The following RPL18A variants were observed in gnomAD, a reference collection of about 807,000 sequenced individuals.
RPL18A encodes the protein ribosomal protein L18a, also known as large ribosomal subunit protein eL20.
For missense variants in RPL18A, 163 were observed against 254.1 expected (o/e 0.64, Z 2.44); for synonymous variants, 122 against 96.9 (o/e 1.26, Z -1.52).
At chr19:17,860,900 C>G (rs1216871490) in intron 1 of RPL18A, 4 of 219,906 alleles carry the variant, frequency 1.8e-5, no homozygotes, top group African/African-American at 9.4e-5. Context: ...GTCACTGGGC[C>G]TCAGGGTGAA....
At chr19:17,861,778 A>C (rs140954344) in intron 2 of RPL18A, 91 of 539,534 alleles carry the variant, frequency 1.7e-4, no homozygotes, top group African/African-American at 1.5e-3. Context: ...GGTGATGGCT[A>C]TCTGGTCAGT....
chr19:17,860,479 G>A (rs2094275237), intron 1 of RPL18A, among the ~76,000 whole-genome samples: 1 of 152,182 alleles, frequency 6.6e-6, no homozygotes, highest in Admixed American at 6.5e-5. Context: ...GGACTCCCAT[G>A]GAGTGGGTGT....
chr19:17,861,346 G>T lies in RPL18A; in HGVS notation c.72G>T (p.Thr24=). ...GRCLPTPKCH[T]PPLYRMRIFA... ...GCCTGCCCACCCCCAAATGCCACAC[G>T]CCGCCCCTCTACCGCATGCGAATCT... Residue 24 remains threonine, a synonymous_variant, in exon 2 of 5, where the codon ACG becomes ACT. Coordinates refer to ENST00000222247, the MANE Select transcript of RPL18A (RefSeq NM_000980.4). 1 of 1,613,330 alleles carries T rather than the reference G, an allele frequency of 6.2e-7. No homozygotes were observed. The highest frequency in any genetic ancestry group is 8.5e-7 in the Non-Finnish European group (1 of 1,179,564).
intron 3 of RPL18A, 64 bp from the exon 4 acceptor site, chr19:17,862,854 G>T: frequency 3.7e-6 from 4 of 1,090,208 alleles, no homozygotes; most frequent in Non-Finnish European, 1.4e-6. Context: ...CAGGCACTCA[G>T]GAGGTTTGCT....
Position 17,859,913 on chromosome 19 carries a change from G to C in RPL18A, c.-44G>C, listed in dbSNP as rs747688946. The stretch of plus-strand genomic sequence containing the variant: ...GCCTGGTGAACGGCTGCGCGACAGA[G>C]GACACTTCCTTTTGCGGGTGGCGGC... On this transcript the variant is annotated 5_prime_UTR_variant, in exon 1 of 5. Transcript: ENST00000222247. 8.4e-6 allele frequency: 13 copies of C among 1,542,274 alleles called. No homozygotes were observed. Among genetic ancestry groups the C allele is most frequent in the Admixed American group, 6.0e-5 (3 of 50,332 alleles).
intron 1 of RPL18A, 46 bp from the exon 2 acceptor site, chr19:17,861,247 G>A: frequency 1.3e-6 from 2 of 1,572,202 alleles, no homozygotes; most frequent in Non-Finnish European, 1.7e-6. Flanking sequence ...GATCTCCACA[G>A]TTGCCTCTGG....
At chr19:17,860,620 CTA>C (rs1788373302) in intron 1 of RPL18A, 1 of 152,584 alleles carries the variant, frequency 6.6e-6, no homozygotes, top group South Asian at 2.0e-4. Context: ...TAATTTGTGA[CTA>C]TTTTTCATTG....
rs1599893796 is a variant in RPL18A, at chr19:17,859,987, C to T, written c.18+13C>T. The T allele has an allele frequency of 6.6e-7, 1 of 1,518,160 alleles. No individual in the cohort carries two copies. The highest frequency in any genetic ancestry group is 8.8e-7 in the Non-Finnish European group (1 of 1,135,128). The allele number at this position is 1,518,160 out of a possible 1,614,324, so 94.0% of individuals were successfully genotyped here. A position where few individuals can be genotyped will look rare whatever the true frequency, so the allele number is the denominator to read the frequency against. ...GGCCTCGGGCACGGTAAGGCGGGCG[C>T]GGCGCGGCAGGGGGCCAAGGGATGG... On this transcript the variant is annotated intron_variant, in intron 1 of 4. Transcript: ENST00000222247.
rs760456023 is a variant in RPL18A at position 17,862,869 on chromosome 19, G to A, written c.329-49G>A. On this transcript the variant is annotated intron_variant, in intron 3 of 4. Transcript: ENST00000222247. ...CAGGCACTCAGGAGGTTTGCTGAAT[G>A]CCCAGAGCCCAGGCAACACCGTCAC... 8.8e-5 allele frequency: 114 copies of A among 1,300,642 alleles called. 2 individuals carry two copies. The South Asian group carries it at 1.2e-3, about 13-fold the overall frequency. The allele number at this position is 1,300,642 out of a possible 1,614,324, so 80.6% of individuals were successfully genotyped here. A position where few individuals can be genotyped will look rare whatever the true frequency, so the allele number is the denominator to read the frequency against.
intron 2 of RPL18A, chr19:17,861,705 T>C: frequency 1.8e-6 from 1 of 567,812 alleles, no homozygotes; most frequent in East Asian, 3.0e-5. Flanking sequence ...AGCGGGTGGG[T>C]GGCATGGTGG....
At position 17,862,111 on chromosome 19, in the gene RPL18A, C is replaced by T. The variant is rs11553811; in HGVS notation, c.216C>T (p.Pro72=). ...CTTGGCAGGTGTTTGAGAAGTCCCCCCTGCGGGTGAAGAACTTCGGGATCT... is the reference window on the plus strand; with the variant it reads ...CTTGGCAGGTGTTTGAGAAGTCCCCTCTGCGGGTGAAGAACTTCGGGATCT... ...VYCGQVFEKS[P]LRVKNFGIWL... Residue 72 remains proline, a synonymous_variant, in exon 3 of 5, where the codon CCC becomes CCT. Coordinates refer to ENST00000222247, the MANE Select transcript of RPL18A (RefSeq NM_000980.4). 14 of 1,612,110 alleles carry T rather than the reference C, an allele frequency of 8.7e-6. No homozygotes were observed. The highest frequency in any genetic ancestry group is 1.0e-5 in the Non-Finnish European group (12 of 1,179,890).
chr19:17,861,781 T>C, intron 2 of RPL18A: 1 of 542,062 alleles, frequency 1.8e-6, no homozygotes, highest in South Asian at 2.4e-5. Context: ...GATGGCTATC[T>C]GGTCAGTGGG....
chr19:17,860,321 C>T, intron 1 of RPL18A: 1 of 348,124 alleles, frequency 2.9e-6, no homozygotes, highest in African/African-American at 2.2e-5. Context: ...GGCGGTAGAG[C>T]AATAGTGTGT....
At chr19:17,860,293 T>C in intron 1 of RPL18A, 1 of 421,378 alleles carries the variant, frequency 2.4e-6, no homozygotes, top group Admixed American at 4.7e-5. Context: ...TCTGTTTTCC[T>C]TTCTGCAACG....
In RPL18A at chr19:17,861,339, G is replaced by A. The variant is rs374841938; in HGVS notation, c.65G>A (p.Cys22Tyr). The A allele has an allele frequency of 1.9e-5, 30 of 1,613,452 alleles. No individual in the cohort carries two copies. Among genetic ancestry groups the A allele is most frequent in the Non-Finnish European group, 2.4e-5 (28 of 1,179,734 alleles). ...GGTCGCTGCCTGCCCACCCCCAAATGCCACACGCCGCCCCTCTACCGCATG... is the reference window on the plus strand; with the variant it reads ...GGTCGCTGCCTGCCCACCCCCAAATACCACACGCCGCCCCTCTACCGCATG... ...VVGRCLPTPKCHTPPLYRMRI... is the reference protein window; with the variant it reads ...VVGRCLPTPKYHTPPLYRMRI... Residue 22 changes from cysteine (C) to tyrosine (Y), a missense_variant, in exon 2 of 5, where the codon TGC becomes TAC. Physicochemically the swap from Cys to Tyr is radical, Grantham distance 194 (BLOSUM62 -2). Coordinates refer to ENST00000222247, the MANE Select transcript of RPL18A (RefSeq NM_000980.4).
intron 2 of RPL18A, 120 bp from the exon 3 acceptor site, chr19:17,861,972 GTC>G (rs2094278223): frequency 3.4e-6 from 4 of 1,172,554 alleles, no homozygotes; most frequent in African/African-American, 3.1e-5. Context: ...AGGCACAAGA[GTC>G]TGGCCATAGA....
At chr19:17,861,880 G>T in intron 2 of RPL18A, 1 of 599,788 alleles carries the variant, frequency 1.7e-6, no homozygotes, top group Non-Finnish European at 2.9e-6. Flanking sequence ...GCAGAAGCCT[G>T]GACTTCAGGC....
Position 17,861,081 on chromosome 19 carries a change from C to A in RPL18A, c.19-212C>A, listed in dbSNP as rs532503750. 398 of 581,582 alleles carry A rather than the reference C, an allele frequency of 6.8e-4. 2 individuals are homozygous for A. Among genetic ancestry groups the A allele is most frequent in the Non-Finnish European group, 1.1e-3 (366 of 326,520 alleles). The allele number at this position is 581,582 out of a possible 1,614,324, so 36.0% of individuals were successfully genotyped here. The stretch of plus-strand genomic sequence containing the variant: ...GAGGCAGGCAACTCAATTAATCCTC[C>A]CTGGAGACCTCCCTCTCCTCAGTTC... On this transcript the variant is annotated intron_variant, in intron 1 of 4. Coordinates refer to ENST00000222247, the MANE Select transcript of RPL18A (RefSeq NM_000980.4).
chr19:17,861,122 T>C, intron 1 of RPL18A, 171 bp from the exon 2 acceptor site: 2 of 607,492 alleles, frequency 3.3e-6, no homozygotes, highest in Non-Finnish European at 5.9e-6. Context: ...GTGTATAAAG[T>C]TGTGGTCGGG....
Sources: allele counts gnomAD v4.1 joint callset (sites outside exome capture counted in the v4.1 genomes callset), GRCh38; gene constraint gnomAD v4.1.1; transcripts MANE v1.5; gene names NCBI Gene and HGNC (gene_info 2026-07-23, HGNC 2026-07-21).